QTMAN: variants seen among roughly 807,000 people sequenced by gnomAD.
QTMAN encodes the protein tRNA-queuosine alpha-mannosyltransferase.
At chr2:144,145,546 A>G in the QTMAN span, 2 of 1,566,232 alleles carry the variant, frequency 1.3e-6, no homozygotes, top group East Asian at 4.5e-5. Flanking sequence ...CAAAGGGCCA[A>G]ATATAATGAT....
the QTMAN span, among the ~76,000 whole-genome samples, chr2:144,200,739 A>T: frequency 6.6e-6 from 1 of 152,334 alleles, no homozygotes; most frequent in East Asian, 1.9e-4. Flanking sequence ...AGAAAATGGC[A>T]GCTTTCATAG....
the QTMAN span, among the ~76,000 whole-genome samples, chr2:144,048,131 A>G: frequency 1.3e-5 from 2 of 152,232 alleles, no homozygotes; most frequent in Non-Finnish European, 2.9e-5. Flanking sequence ...CTGAAAAGAA[A>G]TAATACAGAG....
the QTMAN span, among the ~76,000 whole-genome samples, chr2:144,149,534 G>A: frequency 0.046 from 6,935 of 151,914 alleles, 532 homozygotes; most frequent in African/African-American, 0.16. Context: ...GTCTCTGTAA[G>A]AGAAACCTAT....
At chr2:144,037,530 G>A in the QTMAN span, among the ~76,000 whole-genome samples, 1 of 152,140 alleles carries the variant, frequency 6.6e-6, no homozygotes, top group Non-Finnish European at 1.5e-5. Context: ...AAAAGCCAGA[G>A]GAGATGCTGA....
the QTMAN span, among the ~76,000 whole-genome samples, chr2:144,223,185 C>CA: frequency 1.3e-5 from 2 of 151,670 alleles, no homozygotes; most frequent in East Asian, 3.9e-4. Context: ...CCACCCATTC[C>CA]AAAAAACCTA....
At chr2:143,961,289 C>CA in the QTMAN span, among the ~76,000 whole-genome samples, 1 of 152,108 alleles carries the variant, frequency 6.6e-6, no homozygotes, top group Non-Finnish European at 1.5e-5. Context: ...TTAAAACAAG[C>CA]AGGCCTTCCC....
the QTMAN span, among the ~76,000 whole-genome samples, chr2:144,328,829 A>G: frequency 6.6e-6 from 1 of 152,208 alleles, no homozygotes; most frequent in Non-Finnish European, 1.5e-5. Context: ...ATGACTCTAC[A>G]TGTTCAACTA....
At chr2:144,022,560 C>CTCT in the QTMAN span, among the ~76,000 whole-genome samples, 2 of 104,260 alleles carry the variant, frequency 1.9e-5, no homozygotes, top group African/African-American at 4.3e-5. Flanking sequence ...CTCTCTCTCT[C>CTCT]TTTTTTTTTT....
At chr2:143,942,741 G>T in the QTMAN span, 2 of 167,068 alleles carry the variant, frequency 1.2e-5, no homozygotes, top group Non-Finnish European at 2.9e-5. Context: ...GAGGGTTGAG[G>T]TGAAGCCCCT....
At chr2:144,165,935 A>C in the QTMAN span, among the ~76,000 whole-genome samples, 1 of 151,894 alleles carries the variant, frequency 6.6e-6, no homozygotes, top group Admixed American at 6.6e-5. Context: ...CACCTAACTA[A>C]TCTTATTTCA....
At chr2:144,201,442 G>A in the QTMAN span, among the ~76,000 whole-genome samples, 2 of 152,218 alleles carry the variant, frequency 1.3e-5, no homozygotes, top group Non-Finnish European at 2.9e-5. Context: ...CGCCCAGATT[G>A]CGTGGACCAC....
the QTMAN span, among the ~76,000 whole-genome samples, chr2:144,236,981 T>C: frequency 6.6e-6 from 1 of 152,064 alleles, no homozygotes; most frequent in Non-Finnish European, 1.5e-5. Context: ...TTTCAAATAA[T>C]AATCATGTCG....
the QTMAN span, among the ~76,000 whole-genome samples, chr2:143,997,956 G>A: frequency 6.6e-6 from 1 of 152,006 alleles, no homozygotes; most frequent in African/African-American, 2.4e-5. Flanking sequence ...TGAAATAGGG[G>A]AGTTTGCCGA....
chr2:144,133,456 A>ATT, the QTMAN span, among the ~76,000 whole-genome samples: 415 of 44,432 alleles, frequency 9.3e-3, 7 homozygotes, highest in African/African-American at 0.046. Context: ...TATAATATAT[A>ATT]ATATATATTA....
At chr2:144,132,887 A>C in the QTMAN span, among the ~76,000 whole-genome samples, 1 of 150,774 alleles carries the variant, frequency 6.6e-6, no homozygotes, top group Non-Finnish European at 1.5e-5. Context: ...AATCATCTCA[A>C]TCCTCATAAC....
chr2:144,099,543 T>C, the QTMAN span, among the ~76,000 whole-genome samples: 3 of 152,334 alleles, frequency 2.0e-5, no homozygotes, highest in African/African-American at 7.2e-5. Flanking sequence ...CCACTACTGA[T>C]AACGCACTGG....
chr2:143,957,472 CT>C, the QTMAN span: 1 of 521,460 alleles, frequency 1.9e-6, no homozygotes, highest in Non-Finnish European at 3.1e-6. Flanking sequence ...GAGTTGTTTG[CT>C]TTTATAATCA....
chr2:144,328,913 T>C, the QTMAN span, among the ~76,000 whole-genome samples: 1 of 152,134 alleles, frequency 6.6e-6, no homozygotes, highest in Non-Finnish European at 1.5e-5. Flanking sequence ...GAATGGAGTG[T>C]TGGTTTGTAC....
chr2:144,134,633 C>A, the QTMAN span, among the ~76,000 whole-genome samples: 1 of 151,988 alleles, frequency 6.6e-6, no homozygotes, highest in Non-Finnish European at 1.5e-5. Flanking sequence ...GTGAAATGAT[C>A]GTGAAAATAT....
Sources: allele counts gnomAD v4.1 joint callset (sites outside exome capture counted in the v4.1 genomes callset), GRCh38; gene constraint gnomAD v4.1.1; transcripts MANE v1.5; gene names NCBI Gene and HGNC (gene_info 2026-07-23, HGNC 2026-07-21).